OPHN1: variants seen among roughly 807,000 people sequenced by gnomAD.
OPHN1 encodes oligophrenin-1.
A neutral mutation model predicts 60.7 loss-of-function variants in OPHN1; 11 were observed. The observed-to-expected ratio is 0.18, with a 90% CI of 0.11 to 0.30. The LOEUF (loss-of-function observed/expected upper bound fraction) is 0.30, where lower values mean the gene tolerates loss of function less well. OPHN1 is among the 10% of genes least tolerant of loss of function. OPHN1 has a pLI of 1.00. For synonymous variants in OPHN1, 226 were observed against 222.6 expected, an observed-to-expected ratio of 1.02 and a Z score of -0.14; for missense variants, 449 against 611.0, an observed-to-expected ratio of 0.73 and a Z score of 2.80.
At chrX:68,222,478 A>C (rs1260989264) in intron 6 of OPHN1, among the ~76,000 whole-genome samples, 1 of 103,361 alleles carries the variant, frequency 9.7e-6, no homozygotes, top group African/African-American at 3.5e-5. Context: ...ACACATGCAC[A>C]CGTATGTTTA....
intron 15 of OPHN1, among the ~76,000 whole-genome samples, chrX:68,156,967 A>G (rs2077312274): frequency 9.0e-6 from 1 of 111,640 alleles, no homozygotes; most frequent in Non-Finnish European, 1.9e-5. Flanking sequence ...AAATGATGAC[A>G]ATACCAGCAA....
At chrX:68,187,969 T>C (rs1052333866) in intron 15 of OPHN1, among the ~76,000 whole-genome samples, 1 of 111,937 alleles carries the variant, frequency 8.9e-6, no homozygotes, top group African/African-American at 3.2e-5. Flanking sequence ...GATAATTTAC[T>C]ACAGCAGCAC....
chrX:68,317,916 A>C lies in OPHN1; in HGVS notation c.155-18820T>G, dbSNP rs73534890. Among the ~76,000 whole-genome samples, 748 of 111,159 alleles carry C rather than the reference A, an allele frequency of 6.7e-3. 7 individuals are homozygous for C. Among genetic ancestry groups the C allele is most frequent in the African/African-American group, 0.024 (720 of 30,600 alleles). ...TTTGAATCCCCATCTCAAGTAAAAA[A>C]ACAAACAAACAAAAAACTATACATT... On this transcript the variant is annotated intron_variant, in intron 2 of 24. Transcript: ENST00000355520.
intron 11 of OPHN1, among the ~76,000 whole-genome samples, chrX:68,198,708 A>G (rs2077522763): frequency 8.9e-6 from 1 of 111,879 alleles, no homozygotes; most frequent in African/African-American, 3.3e-5. Flanking sequence ...AGCAATGCCA[A>G]GAGAGTTCAG....
intron 15 of OPHN1, among the ~76,000 whole-genome samples, chrX:68,123,256 A>T (rs2077157172): frequency 9.0e-6 from 1 of 111,656 alleles, no homozygotes; most frequent in South Asian, 3.8e-4. Context: ...TGAAGGAAAA[A>T]TAAAGACTTT....
intron 15 of OPHN1, among the ~76,000 whole-genome samples, chrX:68,177,364 A>T (rs1467673424): frequency 2.9e-5 from 3 of 104,563 alleles, no homozygotes; most frequent in Non-Finnish European, 5.9e-5. Context: ...AAATTTTGTC[A>T]TGTATATTTT....
In OPHN1 at chrX:68,227,959, T is replaced by C. The variant is rs1472552264; in HGVS notation, c.486+6528A>G. 6.3e-5 allele frequency among the ~76,000 whole-genome samples: 7 copies of C among 110,775 alleles called. No homozygotes were observed. In the South Asian group the frequency reaches 1.1e-3, roughly 18 times the overall value. ...CAAAAAAAAACCTTCAAAAAATCAATGAATCCAGGAGATGGTTTTTTGAAA... is the reference window on the plus strand; with the variant it reads ...CAAAAAAAAACCTTCAAAAAATCAACGAATCCAGGAGATGGTTTTTTGAAA... On this transcript the variant is annotated intron_variant, in intron 6 of 24. Coordinates refer to ENST00000355520, the MANE Select transcript of OPHN1 (RefSeq NM_002547.3).
At chrX:68,131,938 G>C (rs1457302964) in intron 15 of OPHN1, among the ~76,000 whole-genome samples, 2 of 112,311 alleles carry the variant, frequency 1.8e-5, no homozygotes, top group Non-Finnish European at 3.8e-5. Context: ...ATTCCGCATG[G>C]AAAATTATAA....
chrX:68,277,244 CT>C (rs2147597602), intron 4 of OPHN1, among the ~76,000 whole-genome samples: 1 of 111,150 alleles, frequency 9.0e-6, no homozygotes, highest in South Asian at 3.9e-4. Context: ...AACCTAGATC[CT>C]GCATGCCCAG....
At chrX:68,128,081 A>T (rs2077179034) in intron 15 of OPHN1, among the ~76,000 whole-genome samples, 2 of 108,765 alleles carry the variant, frequency 1.8e-5, no homozygotes, top group Non-Finnish European at 3.8e-5. Flanking sequence ...AAAGGGTCTC[A>T]CTCTGTCACT....
At chrX:68,311,556 C>T (rs2078173321) in intron 2 of OPHN1, among the ~76,000 whole-genome samples, 1 of 111,092 alleles carries the variant, frequency 9.0e-6, no homozygotes, top group South Asian at 3.8e-4. Context: ...CCTCAGCCTC[C>T]CGAGTAACTG....
rs192008060 is a variant in OPHN1, at chrX:68,266,193, C to G, written c.384+8545G>C. 1.8e-4 allele frequency among the ~76,000 whole-genome samples: 20 copies of G among 110,969 alleles called. No individual in the cohort carries two copies. The East Asian group carries it at 5.7e-3, about 32-fold the overall frequency. ...ATACAGAGAACGCCACAAAGATACT[C>G]CTCGAGAAGAGCAACTCCAAGACAC... On this transcript the variant is annotated intron_variant, in intron 5 of 24. Transcript: ENST00000355520.
At chrX:68,066,482 A>G (rs1004285259) in intron 20 of OPHN1, among the ~76,000 whole-genome samples, 1 of 111,591 alleles carries the variant, frequency 9.0e-6, no homozygotes, top group Non-Finnish European at 1.9e-5. Context: ...TAATGATAGA[A>G]GCCATGATGA....
chrX:68,353,459 A>C (rs2078424198), intron 2 of OPHN1, among the ~76,000 whole-genome samples: 1 of 105,423 alleles, frequency 9.5e-6, no homozygotes, highest in African/African-American at 3.4e-5. Flanking sequence ...CTGTAATCCC[A>C]GCTATTCAGG....
At chrX:68,113,618 C>A (rs1040786575) in intron 16 of OPHN1, among the ~76,000 whole-genome samples, 3 of 110,817 alleles carry the variant, frequency 2.7e-5, no homozygotes, top group Non-Finnish European at 5.7e-5. Context: ...TGAGGTGGAG[C>A]AGTTATTCAA....
chrX:68,363,299 A>C (rs1310365956), intron 2 of OPHN1, among the ~76,000 whole-genome samples: 2 of 110,452 alleles, frequency 1.8e-5, no homozygotes, highest in Admixed American at 9.7e-5. Flanking sequence ...TAAAAATAGG[A>C]TCTATTAACT....
Position 68,287,264 on chromosome X carries a change from AAAGAG to A in OPHN1, c.251-4152_251-4148del, listed in dbSNP as rs746113324. 2.0e-4 allele frequency among the ~76,000 whole-genome samples: 20 copies of A among 100,517 alleles called. 1 individual carries two copies. In the South Asian group the frequency reaches 0.01, roughly 51 times the overall value. 87.3% of individuals were successfully genotyped at this position (100,517 alleles called of 115,157 possible). On this transcript the variant is annotated intron_variant, in intron 3 of 24. Transcript: ENST00000355520. Reference sequence around the variant, plus strand: ...GGAAGGGAAGGGAAGGGAGAAAAGAAAAGAGAAGAGAAGGGAAGGGAAGGGGAAAA... The same window carrying A: ...GGAAGGGAAGGGAAGGGAGAAAAGAAAAGAGAAGGGAAGGGAAGGGGAAAA...
At chrX:68,288,184 G>A (rs1453134733) in intron 3 of OPHN1, among the ~76,000 whole-genome samples, 1 of 111,633 alleles carries the variant, frequency 9.0e-6, no homozygotes, top group African/African-American at 3.3e-5. Context: ...TTCTAAAAAG[G>A]TTAAGACTTT....
chrX:68,169,148 A>T (rs913983403), intron 15 of OPHN1, among the ~76,000 whole-genome samples: 5 of 111,674 alleles, frequency 4.5e-5, no homozygotes, highest in African/African-American at 1.3e-4. Flanking sequence ...AGACAAACAG[A>T]GAGCCAAATC....
Sources: gnomAD v4.1 joint callset for allele counts (sites outside exome capture counted in the v4.1 genomes callset) on GRCh38, gnomAD v4.1.1 for gene constraint, MANE v1.5 for transcripts, NCBI Gene and HGNC (gene_info 2026-07-23, HGNC 2026-07-21) for gene names.